The following PPP1R37 variants were observed in gnomAD, a reference collection of about 807,000 sequenced individuals.
The protein encoded by PPP1R37 is protein phosphatase 1 regulatory subunit 37, also known as leucine rich repeat containing 68.
In PPP1R37, 21 loss-of-function variants were observed where a neutral mutation model predicts 61.0. That is an observed-to-expected ratio of 0.34 (90% CI 0.24 to 0.50). The LOEUF (loss-of-function observed/expected upper bound fraction) is 0.50. Ranked by LOEUF, PPP1R37 falls within the 20% of genes least tolerant of loss-of-function variation. The pLI is 0.98. For missense variants in PPP1R37, 910 were observed against 952.7 expected, an observed-to-expected ratio of 0.96 and a Z score of 0.59; for synonymous variants, 443 against 433.5, an observed-to-expected ratio of 1.02 and a Z score of -0.27.
chr19:45,125,630 G>A (rs1031741037), intron 1 of PPP1R37, among the ~76,000 whole-genome samples: 2 of 152,224 alleles, frequency 1.3e-5, no homozygotes, highest in Non-Finnish European at 2.9e-5. Flanking sequence ...ATCTCAGGGC[G>A]TAGGACCGGC....
At chr19:45,141,959 G>A in intron 5 of PPP1R37, 102 bp from the exon 6 acceptor site, 1 of 1,248,928 alleles carries the variant, frequency 8.0e-7, no homozygotes, top group Non-Finnish European at 1.1e-6. Context: ...AGACATGGGG[G>A]CACAGGTCCT....
intron 1 of PPP1R37, among the ~76,000 whole-genome samples, chr19:45,129,209 A>T (rs1434494930): frequency 6.6e-6 from 1 of 152,198 alleles, no homozygotes. Context: ...TCCCTTGGCC[A>T]GGAACAAGCA....
chr19:45,116,802 T>G (rs75717104), intron 1 of PPP1R37, among the ~76,000 whole-genome samples: 4,531 of 151,754 alleles, frequency 0.03, 228 homozygotes, highest in African/African-American at 0.1. Flanking sequence ...CCTTAGAGAT[T>G]GGGACGTGTC....
rs1455585685 is a variant in PPP1R37 at position 45,140,502 on chromosome 19, C to G, written c.347-4C>G. The G allele has an allele frequency of 1.2e-5, 18 of 1,532,218 alleles. No homozygotes were observed. Among genetic ancestry groups the G allele is most frequent in the Admixed American group, 2.0e-5 (1 of 50,974 alleles). The allele number at this position is 1,532,218 out of a possible 1,614,324, so 94.9% of individuals were successfully genotyped here. A position where few individuals can be genotyped will look rare whatever the true frequency, so the allele number is the denominator to read the frequency against. ...ACATGCGCACGGCTGCTGTCTCCCC[C>G]CAGGTGAGAAGCTTGACTACAAGAC... On this transcript the variant is annotated splice_region_variant and splice_polypyrimidine_tract_variant and intron_variant, in intron 3 of 12. Transcript: ENST00000221462.
intron 2 of PPP1R37, among the ~76,000 whole-genome samples, chr19:45,139,020 TCTC>T (rs1390190250): frequency 1.3e-5 from 2 of 150,990 alleles, no homozygotes; most frequent in Non-Finnish European, 2.9e-5. Context: ...TTCAAGCGAT[TCTC>T]CTGCCTCAGC....
At chr19:45,094,373 A>G (rs1185566040) in intron 1 of PPP1R37, among the ~76,000 whole-genome samples, 2 of 152,204 alleles carry the variant, frequency 1.3e-5, no homozygotes, top group Non-Finnish European at 2.9e-5. Context: ...TCAGTCATTC[A>G]GGAGCAGAGG....
chr19:45,146,720 A>G lies in PPP1R37; in HGVS notation c.*158A>G, dbSNP rs950060085. The G allele has an allele frequency of 2.1e-5, 10 of 483,484 alleles. No individual in the cohort carries two copies. The highest frequency in any genetic ancestry group is 5.8e-4 in the Middle Eastern group (1 of 1,738). 29.9% of individuals were successfully genotyped at this position (483,484 alleles called of 1,614,324 possible). A position where few individuals can be genotyped will look rare whatever the true frequency, so the allele number is the denominator to read the frequency against. ...CCCACAGCAACACTACAAGGGGTGC[A>G]GGAGCTACAGGGAGTGGCCCTCCGC... On this transcript the variant is annotated 3_prime_UTR_variant, in exon 13 of 13. Transcript: ENST00000221462.
intron 1 of PPP1R37, among the ~76,000 whole-genome samples, chr19:45,137,461 A>T (rs1968553171): frequency 6.6e-6 from 1 of 152,234 alleles, no homozygotes; most frequent in African/African-American, 2.4e-5. Context: ...TCCCTTCCGC[A>T]TGGTGGCGGC....
intron 1 of PPP1R37, among the ~76,000 whole-genome samples, chr19:45,115,184 G>C (rs535211894): frequency 6.6e-6 from 1 of 152,320 alleles, no homozygotes; most frequent in Non-Finnish European, 1.5e-5. Context: ...CCAACCAGCA[G>C]ACAGCACCAC....
chr19:45,139,533 C>A (rs1044923988), intron 2 of PPP1R37, among the ~76,000 whole-genome samples: 3 of 152,232 alleles, frequency 2.0e-5, no homozygotes, highest in African/African-American at 7.2e-5. Flanking sequence ...TCCGAGGGTT[C>A]CAGGGTTGCC....
At chr19:45,141,557 G>C in intron 5 of PPP1R37, 116 bp downstream of exon 5, 44 of 1,329,328 alleles carry the variant, frequency 3.3e-5, no homozygotes, top group Non-Finnish European at 4.4e-5. Context: ...GTGGGCTGTT[G>C]TGGGGATGCT....
intron 1 of PPP1R37, among the ~76,000 whole-genome samples, chr19:45,098,854 G>T (rs1968026572): frequency 6.6e-6 from 1 of 152,114 alleles, no homozygotes. Context: ...GTCGAGGCGG[G>T]TGCTTTGATG....
At chr19:45,105,352 G>T (rs1029531001) in intron 1 of PPP1R37, among the ~76,000 whole-genome samples, 4 of 152,156 alleles carry the variant, frequency 2.6e-5, no homozygotes, top group Admixed American at 2.0e-4. Context: ...CTTGCTGGGG[G>T]TCATAGGCCA....
rs1309451313 is a variant in PPP1R37, at chr19:45,130,604, C to CT, written c.203-7907dup. On this transcript the variant is annotated intron_variant, in intron 1 of 12. Transcript: ENST00000221462. This position sits in a 1 kb window ranked among gnomAD's most constrained non-coding sequence, Gnocchi z 4.4. ...TTTCAAGGCCAGCTCACCCTGGCTC[C>CT]TTTCTGTTCATTCCAAAATAACAAA... 6.6e-6 allele frequency among the ~76,000 whole-genome samples: 1 copy of CT among 152,206 alleles called. No homozygotes were observed. Among genetic ancestry groups the CT allele is most frequent in the Non-Finnish European group, 1.5e-5 (1 of 68,036 alleles).
chr19:45,108,354 C>T lies in PPP1R37; in HGVS notation c.202+14827C>T, dbSNP rs551674820. ...CCTCCCGAGTAGCTGGGATTATAGG[C>T]GCGCACCACCACGCCCGGCTAATTT... On this transcript the variant is annotated intron_variant, in intron 1 of 12. Transcript: ENST00000221462. Among the ~76,000 whole-genome samples, 10 of 152,064 alleles carry T rather than the reference C, an allele frequency of 6.6e-5. No individual in the cohort carries two copies. The South Asian group carries it at 1.7e-3, about 25-fold the overall frequency.
intron 1 of PPP1R37, among the ~76,000 whole-genome samples, chr19:45,132,470 TTTTG>T (rs1369193937): frequency 6.6e-6 from 1 of 152,090 alleles, no homozygotes; most frequent in Non-Finnish European, 1.5e-5. Flanking sequence ...TTTTTGTATT[TTTTG>T]TTTGTTTTGT....
At position 45,093,402 on chromosome 19, in the gene PPP1R37, G is replaced by T; in HGVS notation, c.77G>T (p.Gly26Val). 1 of 1,534,060 alleles carries T rather than the reference G, an allele frequency of 6.5e-7. No individual in the cohort carries two copies. The highest frequency in any genetic ancestry group is 8.7e-7 in the Non-Finnish European group (1 of 1,145,904). Residue 26 changes from glycine (G) to valine (V), a missense_variant, in exon 1 of 13, where the codon GGG becomes GTG. Physicochemically the swap from Gly to Val is moderately radical, Grantham distance 109. Around this residue, in one of 3 missense-constraint regions of PPP1R37, gnomAD observed 81 missense variants for 65.4 expected, o/e 1.24. Coordinates refer to ENST00000221462, the MANE Select transcript of PPP1R37 (RefSeq NM_019121.2). The stretch of plus-strand genomic sequence containing the variant: ...ATTGAAGAGGCCCCAGCTGAGGCCG[G>T]GTCTCCCAGCCCCGCGTCGCCCCCC... ...GDIEEAPAEA[G>V]SPSPASPPAD...
intron 1 of PPP1R37, among the ~76,000 whole-genome samples, chr19:45,137,567 G>C (rs1382283970): frequency 2.0e-5 from 3 of 152,180 alleles, no homozygotes; most frequent in African/African-American, 7.2e-5. Context: ...GGGAACACCC[G>C]GGACCAGGCC....
chr19:45,113,468 C>T (rs1380243045), intron 1 of PPP1R37, among the ~76,000 whole-genome samples: 3 of 152,232 alleles, frequency 2.0e-5, no homozygotes, highest in African/African-American at 7.2e-5. Flanking sequence ...AGATCCAGCT[C>T]CTCACAGCTA....
Sources: gnomAD v4.1 joint callset for allele counts (sites outside exome capture counted in the v4.1 genomes callset) on GRCh38, gnomAD v4.1.1 for gene constraint, gnomAD v4.1.1 regional missense constraint, Gnocchi (gnomAD v3.1) non-coding constraint, MANE v1.5 for transcripts, NCBI Gene and HGNC (gene_info 2026-07-23, HGNC 2026-07-21) for gene names.